CDR2L: variants seen among roughly 807,000 people sequenced by gnomAD.
CDR2L encodes the protein cerebellar degeneration-related protein 2-like.
A neutral mutation model predicts 36.1 loss-of-function variants in CDR2L; 19 were observed. The observed-to-expected ratio is 0.53, with a 90% CI of 0.37 to 0.77. CDR2L has a LOEUF of 0.77. CDR2L is among the 30% of genes least tolerant of loss of function. The pLI is 0.00. For missense variants in CDR2L, 575 were observed against 627.2 expected (o/e 0.92, Z 0.89); for synonymous variants, 285 against 280.4 (o/e 1.02, Z -0.16).
intron 1 of CDR2L, among the ~76,000 whole-genome samples, chr17:74,993,454 T>G (rs1291728693): frequency 6.6e-6 from 1 of 152,184 alleles, no homozygotes; most frequent in Admixed American, 6.5e-5. Flanking sequence ...ATTAATTTTT[T>G]TGTAGAGACA....
chr17:75,003,154 AC>A, intron 4 of CDR2L, 28 bp from the exon 5 acceptor site: 1 of 1,549,306 alleles, frequency 6.5e-7, no homozygotes. Flanking sequence ...CTCCGCCCCC[AC>A]CCCGCTGCGA....
At chr17:74,997,032 TTTTCTTTCTTTC>T (rs1157949627) in intron 1 of CDR2L, among the ~76,000 whole-genome samples, 16 of 137,562 alleles carry the variant, frequency 1.2e-4, no homozygotes, top group African/African-American at 4.5e-4. Context: ...CTATTCACCC[TTTTCTTTCTTTC>T]TTTCTTTCTT....
rs141318439 is a variant in CDR2L, at chr17:74,993,126, G to T, written c.79+5004G>T. Among the ~76,000 whole-genome samples the T allele has an allele frequency of 1.9e-3, 285 of 152,264 alleles. 3 individuals are homozygous for T. Among genetic ancestry groups the T allele is most frequent in the African/African-American group, 6.3e-3 (263 of 41,542 alleles). On this transcript the variant is annotated intron_variant, in intron 1 of 4. Transcript: ENST00000337231. ...GATCTCTTTCATGTATATCTGAACT[G>T]CTGGATACTGTTCAGGATGAGCTAA... is the stretch of plus-strand genomic sequence containing the variant.
intron 3 of CDR2L, 102 bp from the exon 4 acceptor site, chr17:75,001,962 C>A: frequency 9.6e-7 from 1 of 1,038,592 alleles, no homozygotes; most frequent in Non-Finnish European, 1.4e-6. Context: ...ACCTGTCTGC[C>A]TCCTACCCAA....
chr17:74,990,528 G>A (rs1030868640), intron 1 of CDR2L, among the ~76,000 whole-genome samples: 1 of 152,214 alleles, frequency 6.6e-6, no homozygotes, highest in Non-Finnish European at 1.5e-5. Context: ...GCAGCTGTAG[G>A]CCCAGCAACG....
At chr17:74,997,076 C>T (rs370861479) in intron 1 of CDR2L, among the ~76,000 whole-genome samples, 208 of 3,238 alleles carry the variant, frequency 0.064, 8 homozygotes, top group East Asian at 0.37. Context: ...TTCTTTCTTT[C>T]TTTCTTTCTT....
At chr17:75,001,229 G>A in intron 2 of CDR2L, 112 bp from the exon 3 acceptor site, 1 of 1,182,304 alleles carries the variant, frequency 8.5e-7, no homozygotes, top group South Asian at 1.8e-5. Context: ...GTGAGACTCT[G>A]TATCAAAAGA....
chr17:74,995,084 A>G (rs1358416627), intron 1 of CDR2L, among the ~76,000 whole-genome samples: 11 of 151,054 alleles, frequency 7.3e-5, no homozygotes, highest in South Asian at 4.2e-4. Flanking sequence ...AAAAAAAAAA[A>G]AGAGATGGGG....
rs2039882010 is a variant in CDR2L, at chr17:75,003,546, C to A, written c.870C>A (p.Pro290=). ...CCCCTGAGGCCGACGATCCCCAGCC[C>A]GGCCGCGGGGACGACTTGGGCGCCC... ...TQAPEADDPQ[P]GRGDDLGAQD... is the part of the protein sequence containing the mutation. Residue 290 remains proline (P), a synonymous_variant, in exon 5 of 5, where the codon CCC becomes CCA. Transcript: ENST00000337231. The A allele has an allele frequency of 6.6e-7, 1 of 1,511,990 alleles. No individual in the cohort carries two copies. Among genetic ancestry groups the A allele is most frequent in the Non-Finnish European group, 8.9e-7 (1 of 1,128,398 alleles). 93.7% of individuals were successfully genotyped at this position (1,511,990 alleles called of 1,614,324 possible).
intron 1 of CDR2L, among the ~76,000 whole-genome samples, chr17:74,995,135 CA>C (rs2039817369): frequency 1.3e-5 from 2 of 150,922 alleles, no homozygotes; most frequent in Non-Finnish European, 2.9e-5. Context: ...CTTTTGGCCT[CA>C]AGCTATCCTC....
intron 1 of CDR2L, among the ~76,000 whole-genome samples, chr17:74,999,011 A>G (rs1179132321): frequency 6.6e-6 from 1 of 152,206 alleles, no homozygotes; most frequent in Non-Finnish European, 1.5e-5. Context: ...GGGCCCAGCC[A>G]GCATGCCTCA....
At position 75,003,225 on chromosome 17, in the gene CDR2L, G is replaced by A; in HGVS notation, c.549G>A (p.Leu183=). The A allele has an allele frequency of 6.4e-7, 1 of 1,566,308 alleles. No homozygotes were observed. Among genetic ancestry groups the A allele is most frequent in the African/African-American group, 1.4e-5 (1 of 73,768 alleles). The change falls in exon 5 of 5, where the codon CTG becomes CTA. Residue 183 remains leucine (L), a synonymous_variant. Transcript: ENST00000337231. ...GCCTACACAGTTCCTCCCTGGAGCT[G>A]GGCCCGCGGCCCCTGGAGCAGGAGA... ...AFRLHSSSLE[L]GPRPLEQENE...
intron 1 of CDR2L, among the ~76,000 whole-genome samples, chr17:74,991,831 C>T (rs1005050134): frequency 1.3e-5 from 2 of 152,238 alleles, no homozygotes; most frequent in Non-Finnish European, 2.9e-5. Context: ...GTGCGTTCCT[C>T]TTTCCAGGCT....
In CDR2L at chr17:74,988,116, G is replaced by C. The variant is rs1441042063; in HGVS notation, c.73G>C (p.Glu25Gln). Reference protein sequence around the residue: ...EESWYDQQDLEQDLHLAAELG... With the variant: ...EESWYDQQDLQQDLHLAAELG... ...GTCCTGGTACGACCAGCAGGACCTG[G>C]AGCAGGGTGAGCGCGGGGGCGACCG... Residue 25 changes from glutamate (E) to glutamine (Q), a missense_variant, in exon 1 of 5, where the codon GAG (glutamate) becomes CAG (glutamine). Glu to Gln is a conservative substitution (Grantham distance 29). Coordinates refer to ENST00000337231, the MANE Select transcript of CDR2L (RefSeq NM_014603.3). 4 of 1,531,002 alleles carry C rather than the reference G, an allele frequency of 2.6e-6. No individual in the cohort carries two copies. Among genetic ancestry groups the C allele is most frequent in the Non-Finnish European group, 2.6e-6 (3 of 1,139,742 alleles). The allele number at this position is 1,531,002 out of a possible 1,614,324, so 94.8% of individuals were successfully genotyped here.
chr17:75,003,978 C>T lies in CDR2L; in HGVS notation c.1302C>T (p.Pro434=). ...ACAAGCGGCTGGAACAGAGCCAGCC[C>T]GAGTACAAGGCGCTCTTCAAAGAGA... ...AVDKRLEQSQ[P]EYKALFKEIF... Residue 434 remains proline, a synonymous_variant, in exon 5 of 5, where the codon CCC becomes CCT. Transcript: ENST00000337231. 1 of 1,609,532 alleles carries T rather than the reference C, an allele frequency of 6.2e-7. No individual in the cohort carries two copies. The highest frequency in any genetic ancestry group is 1.7e-5 in the Admixed American group (1 of 59,420).
Position 75,002,235 on chromosome 17 carries a change from G to A in CDR2L, c.506+7G>A. 3 of 1,603,692 alleles carry A rather than the reference G, an allele frequency of 1.9e-6. No individual in the cohort carries two copies. The highest frequency in any genetic ancestry group is 2.6e-6 in the Non-Finnish European group (3 of 1,175,640). On this transcript the variant is annotated splice_region_variant and intron_variant, in intron 4 of 4. Transcript: ENST00000337231. The surrounding 1 kb of genome is among the most constrained non-coding windows in gnomAD (Gnocchi z 4.1). ...AGCTGTGCACCAGCCCCCGGTAGGTGAGAGCACTGCTTGGTGTCTCTGGGA... is the reference window on the plus strand; with the variant it reads ...AGCTGTGCACCAGCCCCCGGTAGGTAAGAGCACTGCTTGGTGTCTCTGGGA...
chr17:74,988,499 A>G (rs1302194401), intron 1 of CDR2L, among the ~76,000 whole-genome samples: 3 of 152,140 alleles, frequency 2.0e-5, no homozygotes, highest in Middle Eastern at 3.4e-3. Context: ...CTCCTTCGTC[A>G]TGTTTTGCTG....
chr17:75,003,824 A>T lies in CDR2L; in HGVS notation c.1148A>T (p.His383Leu). 6.4e-7 allele frequency: 1 copy of T among 1,557,454 alleles called. No individual in the cohort carries two copies. The highest frequency in any genetic ancestry group is 1.2e-5 in the South Asian group (1 of 84,530). Reference sequence around the variant, plus strand: ...CGGCAGCACGGGGCCGGAGTGCGGCACGCCGGCGTGCAGACCTCGCGCCCC... The same window carrying T: ...CGGCAGCACGGGGCCGGAGTGCGGCTCGCCGGCGTGCAGACCTCGCGCCCC... ...KCRQHGAGVRHAGVQTSRPIS... is the reference protein window; with the variant it reads ...KCRQHGAGVRLAGVQTSRPIS... The change falls in exon 5 of 5, where the codon CAC becomes CTC. Residue 383 changes from histidine (H) to leucine (L), a missense_variant. Physicochemically the swap from His to Leu is moderately conservative, Grantham distance 99. Transcript: ENST00000337231.
At position 74,997,508 on chromosome 17, in the gene CDR2L, A is replaced by G. The variant is rs371482135; in HGVS notation, c.80-1996A>G. ...ATGTCCGTCCATGCTCTTATCACTC[A>G]CTTAATCTTCCAAAAAGACAAATTA... On this transcript the variant is annotated intron_variant, in intron 1 of 4. Coordinates refer to ENST00000337231, the MANE Select transcript of CDR2L (RefSeq NM_014603.3). 1.5e-4 allele frequency among the ~76,000 whole-genome samples: 23 copies of G among 152,014 alleles called. No homozygotes were observed. The East Asian group carries it at 3.3e-3, about 22-fold the overall frequency.
Sources: gnomAD v4.1 joint callset for allele counts (sites outside exome capture counted in the v4.1 genomes callset) on GRCh38, gnomAD v4.1.1 for gene constraint, Gnocchi (gnomAD v3.1) non-coding constraint, MANE v1.5 for transcripts, NCBI Gene and HGNC (gene_info 2026-07-23, HGNC 2026-07-21) for gene names.